AGAP1: variants seen among roughly 807,000 people sequenced by gnomAD.
AGAP1 encodes ArfGAP with GTPase domain, ankyrin repeat and PH domain 1.
AGAP1 carries 29 observed loss-of-function variants against 105.3 expected under a neutral mutation model. That is an observed-to-expected ratio of 0.28 (90% confidence interval 0.21 to 0.38). The LOEUF (loss-of-function observed/expected upper bound fraction) is 0.38, where lower values mean the gene tolerates loss of function less well. Ranked by LOEUF, AGAP1 falls within the 10% of genes least tolerant of loss-of-function variation. AGAP1 has a pLI of 1.00. For missense variants in AGAP1, 998 were observed against 1,165.1 expected, an observed-to-expected ratio of 0.86 and a Z score of 2.09; for synonymous variants, 509 against 485.9, an observed-to-expected ratio of 1.05 and a Z score of -0.63.
At chr2:235,624,267 G>A (rs1946570469) in intron 1 of AGAP1, among the ~76,000 whole-genome samples, 1 of 152,182 alleles carries the variant, frequency 6.6e-6, no homozygotes, top group Admixed American at 6.6e-5. Flanking sequence ...TGGTGTTTAT[G>A]GAAGAAACAC....
At chr2:235,915,889 C>G (rs868373193) in intron 11 of AGAP1, among the ~76,000 whole-genome samples, 7 of 152,150 alleles carry the variant, frequency 4.6e-5, no homozygotes, top group Middle Eastern at 3.4e-3. Flanking sequence ...TGCAAAAATA[C>G]AAATAAAATC....
chr2:236,085,872 A>G (rs1047550244), intron 16 of AGAP1, among the ~76,000 whole-genome samples: 3 of 152,242 alleles, frequency 2.0e-5, no homozygotes, highest in African/African-American at 7.2e-5. Flanking sequence ...GGAGGGGACA[A>G]TGGCTGTCCA....
intron 1 of AGAP1, among the ~76,000 whole-genome samples, chr2:235,589,191 TTTG>T (rs1397103788): frequency 0.072 from 4,772 of 65,896 alleles, 352 homozygotes; most frequent in Non-Finnish European, 0.087. Context: ...AGCTTATTGT[TTTG>T]TTTTTTTTTT....
At chr2:235,822,726 T>C (rs1958863377) in intron 9 of AGAP1, among the ~76,000 whole-genome samples, 1 of 152,076 alleles carries the variant, frequency 6.6e-6, no homozygotes, top group Non-Finnish European at 1.5e-5. Context: ...GAAGAGGAGC[T>C]GGAGAAGCCC....
intron 16 of AGAP1, among the ~76,000 whole-genome samples, chr2:236,075,532 T>C (rs982354366): frequency 2.6e-5 from 4 of 152,128 alleles, no homozygotes; most frequent in African/African-American, 7.2e-5. Flanking sequence ...GGCCCAGATC[T>C]TTTTCCTTGG....
At chr2:236,066,853 A>T (rs2058359365) in intron 16 of AGAP1, among the ~76,000 whole-genome samples, 1 of 152,088 alleles carries the variant, frequency 6.6e-6, no homozygotes, top group Non-Finnish European at 1.5e-5. Context: ...ATCTGTCAGG[A>T]TAGGTTAGTT....
chr2:235,572,998 T>C (rs1944588015), intron 1 of AGAP1, among the ~76,000 whole-genome samples: 2 of 22,970 alleles, frequency 8.7e-5, no homozygotes, highest in East Asian at 2.6e-3. Flanking sequence ...CTTCTTCTTC[T>C]TCTTCTTCTT....
intron 1 of AGAP1, among the ~76,000 whole-genome samples, chr2:235,624,883 A>T (rs1946590897): frequency 6.6e-6 from 1 of 151,990 alleles, no homozygotes; most frequent in Non-Finnish European, 1.5e-5. Flanking sequence ...TTAAAGGAGT[A>T]TGCCCCTTCC....
rs778878290 is a variant in AGAP1 at position 235,930,838 on chromosome 2, C to T, written c.1398C>T (p.Asp466=). 1.3e-5 allele frequency: 21 copies of T among 1,614,008 alleles called. No individual in the cohort carries two copies. Among genetic ancestry groups the T allele is most frequent in the Middle Eastern group, 1.6e-4 (1 of 6,084 alleles). Residue 466 remains aspartate (D), a synonymous_variant, in exon 12 of 18, where the codon GAC becomes GAT. Coordinates refer to ENST00000304032, the MANE Select transcript of AGAP1 (RefSeq NM_001037131.3). This position sits in a 1 kb window ranked among gnomAD's most constrained non-coding sequence, Gnocchi z 7.9. The stretch of plus-strand genomic sequence containing the variant: ...TGGTCTCCTTCAACAGCCGACCCGA[C>T]GGCATGCACCAGCGCTCCTACTCAG... ...ISLVSFNSRP[D]GMHQRSYSVS... is the part of the protein sequence containing the mutation.
intron 1 of AGAP1, among the ~76,000 whole-genome samples, chr2:235,528,826 T>C (rs1335951073): frequency 6.6e-6 from 1 of 152,074 alleles, no homozygotes; most frequent in Admixed American, 6.5e-5. Context: ...TACAGTCATG[T>C]GCCACCATGC....
chr2:235,950,398 C>T (rs1427044119), intron 12 of AGAP1, among the ~76,000 whole-genome samples: 1 of 151,648 alleles, frequency 6.6e-6, no homozygotes, highest in Non-Finnish European at 1.5e-5. Context: ...GGAGCAAATG[C>T]CGGGAGTATA....
intron 1 of AGAP1, among the ~76,000 whole-genome samples, chr2:235,686,990 CCTCA>C (rs1426436294): frequency 6.6e-6 from 1 of 151,884 alleles, no homozygotes; most frequent in South Asian, 2.1e-4. Flanking sequence ...TAATTATCTT[CCTCA>C]CTCTTCTTTC....
chr2:235,824,048 T>G lies in AGAP1; in HGVS notation c.1050+16717T>G, dbSNP rs562230476. On this transcript the variant is annotated intron_variant, in intron 9 of 17. Transcript: ENST00000304032. This position sits in a 1 kb window ranked among gnomAD's most constrained non-coding sequence, Gnocchi z 5.2. ...GTGGTCTTCACATTGAAGGGCCTTA[T>G]GTAGCACCGAGCTCCCAGTATGTAA... 6.6e-6 allele frequency among the ~76,000 whole-genome samples: 1 copy of G among 152,272 alleles called. No homozygotes were observed. Among genetic ancestry groups the G allele is most frequent in the Non-Finnish European group, 1.5e-5 (1 of 68,054 alleles).
chr2:235,562,884 C>G, intron 1 of AGAP1, among the ~76,000 whole-genome samples: 1 of 151,936 alleles, frequency 6.6e-6, no homozygotes, highest in Admixed American at 6.6e-5. Flanking sequence ...TGGGGAGATC[C>G]CCATCTCTTT....
At chr2:236,006,624 A>G (rs2056331324) in intron 13 of AGAP1, among the ~76,000 whole-genome samples, 1 of 152,184 alleles carries the variant, frequency 6.6e-6, no homozygotes, top group African/African-American at 2.4e-5. Flanking sequence ...CAACTGTTAT[A>G]AGGGACAGGT....
rs565908729 is a variant in AGAP1 at position 235,898,112 on chromosome 2, A to G, written c.1156-10626A>G. Among the ~76,000 whole-genome samples, 19 of 152,354 alleles carry G rather than the reference A, an allele frequency of 1.2e-4. No homozygotes were observed. In the East Asian group the frequency reaches 3.5e-3, roughly 28 times the overall value. ...ATCCGCTGATGATTACATTAGGCTA[A>G]GCTGCGAAGTAAATGAACCATGTCT... On this transcript the variant is annotated intron_variant, in intron 10 of 17. Transcript: ENST00000304032.
rs547330226 is a variant in AGAP1 at position 235,671,456 on chromosome 2, G to T, written c.164-37723G>T. 3.3e-5 allele frequency among the ~76,000 whole-genome samples: 5 copies of T among 152,320 alleles called. No homozygotes were observed. In the South Asian group the frequency reaches 1.0e-3, roughly 32 times the overall value. ...CGGTCGCCGCCGCACAGGTGCGGCT[G>T]CCTGGATGGGAGAAGCCGGCATTCA... On this transcript the variant is annotated intron_variant, in intron 1 of 17. Transcript: ENST00000304032.
intron 1 of AGAP1, among the ~76,000 whole-genome samples, chr2:235,567,122 C>G (rs1041755370): frequency 2.6e-5 from 4 of 152,240 alleles, no homozygotes; most frequent in African/African-American, 9.6e-5. Flanking sequence ...TCCCACAGGT[C>G]TGTCCCCCTA....
intron 1 of AGAP1, among the ~76,000 whole-genome samples, chr2:235,704,172 G>A (rs935525344): frequency 1.3e-5 from 2 of 152,246 alleles, no homozygotes; most frequent in African/African-American, 4.8e-5. Flanking sequence ...GCGTTATGGG[G>A]TAGGAGTTTA....
Sources: allele counts gnomAD v4.1 joint callset (sites outside exome capture counted in the v4.1 genomes callset), GRCh38; gene constraint gnomAD v4.1.1; non-coding constraint Gnocchi (gnomAD v3.1); transcripts MANE v1.5; gene names NCBI Gene and HGNC (gene_info 2026-07-23, HGNC 2026-07-21).